The following ATXN7 variants were observed in gnomAD, a reference collection of about 807,000 sequenced individuals.
ATXN7 encodes ataxin-7.
A neutral mutation model predicts 70.5 loss-of-function variants in ATXN7; 12 were observed. That is an observed-to-expected ratio of 0.17 (90% CI 0.11 to 0.28). The LOEUF (loss-of-function observed/expected upper bound fraction) is 0.28, where lower values mean the gene tolerates loss of function less well. ATXN7 is among the 10% of genes least tolerant of loss of function. The pLI, the probability that ATXN7 is intolerant of heterozygous loss-of-function variation, is 1.00. For missense variants in ATXN7, 1,256 were observed against 1,131.7 expected (o/e 1.11, Z -1.58); for synonymous variants, 498 against 448.7 (o/e 1.11, Z -1.39).
chr3:63,913,445 G>T (rs574695331), intron 4 of ATXN7, among the ~76,000 whole-genome samples: 2 of 152,166 alleles, frequency 1.3e-5, no homozygotes, highest in African/African-American at 4.8e-5. Context: ...GACCAGGCAG[G>T]AGCAGCATTA....
chr3:64,001,834 T>G lies in ATXN7; in HGVS notation c.*2367T>G, dbSNP rs2075836157. The G allele has an allele frequency of 1.3e-5, 2 of 152,336 alleles. No homozygotes were observed. The highest frequency in any genetic ancestry group is 4.1e-4 in the South Asian group (2 of 4,832). 9.4% of individuals were successfully genotyped at this position (152,336 alleles called of 1,614,324 possible). ...ATGGTGATGAATAATTAAGACCATTTAAAACACGGGAGTACAAGTATTTTT... is the reference window on the plus strand; with the variant it reads ...ATGGTGATGAATAATTAAGACCATTGAAAACACGGGAGTACAAGTATTTTT... On this transcript the variant is annotated 3_prime_UTR_variant, in exon 13 of 13. Transcript: ENST00000674280.
At chr3:63,944,424 A>G (rs1183519021) in intron 4 of ATXN7, among the ~76,000 whole-genome samples, 1 of 152,220 alleles carries the variant, frequency 6.6e-6, no homozygotes, top group Non-Finnish European at 1.5e-5. Flanking sequence ...CTACAATAGC[A>G]GGAGTTGATC....
intron 4 of ATXN7, among the ~76,000 whole-genome samples, chr3:63,929,377 A>G (rs1051097539): frequency 3.4e-5 from 5 of 148,644 alleles, no homozygotes; most frequent in Non-Finnish European, 7.4e-5. Flanking sequence ...GTTTCAAGCT[A>G]TTCTCCTGTC....
At chr3:63,863,515 G>C, upstream of ATXN7, 1 of 1,188,134 alleles carries the variant, frequency 8.4e-7, no homozygotes, top group Non-Finnish European at 1.0e-6. Context: ...CTATAGCCCC[G>C]CGCTGCCTCC....
intron 1 of ATXN7, among the ~76,000 whole-genome samples, chr3:63,889,272 A>C (rs1409226091): frequency 3.9e-5 from 6 of 152,238 alleles, no homozygotes; most frequent in Admixed American, 3.9e-4. Flanking sequence ...AGGAATAAGA[A>C]GTCCCAATGT....
At chr3:63,869,676 C>T (rs1191230363) in intron 1 of ATXN7, among the ~76,000 whole-genome samples, 4 of 152,186 alleles carry the variant, frequency 2.6e-5, no homozygotes, top group East Asian at 1.9e-4. Flanking sequence ...CCACCTGCCT[C>T]GGCCTCCCAA....
At chr3:63,913,130 C>G in intron 3 of ATXN7, 27 bp from the exon 4 acceptor site, 1 of 1,610,088 alleles carries the variant, frequency 6.2e-7, no homozygotes, top group Non-Finnish European at 8.5e-7. Flanking sequence ...TGCCTCTCCC[C>G]TCCTCCTGTG....
intron 4 of ATXN7, among the ~76,000 whole-genome samples, chr3:63,918,423 TCTC>T (rs1704373245): frequency 6.6e-6 from 1 of 152,212 alleles, no homozygotes; most frequent in African/African-American, 2.4e-5. Flanking sequence ...TGTCTTCTTT[TCTC>T]CTCAACTGTT....
chr3:63,884,429 G>A (rs1257211805), intron 1 of ATXN7, among the ~76,000 whole-genome samples: 1 of 151,876 alleles, frequency 6.6e-6, no homozygotes, highest in Non-Finnish European at 1.5e-5. Context: ...AAAATATACA[G>A]TATATATATT....
chr3:63,934,207 C>T (rs551453922), intron 4 of ATXN7, among the ~76,000 whole-genome samples: 5 of 152,302 alleles, frequency 3.3e-5, no homozygotes, highest in Non-Finnish European at 7.4e-5. Context: ...TTCTTGCCTG[C>T]TGGCAGCCTC....
intron 1 of ATXN7, among the ~76,000 whole-genome samples, chr3:63,897,022 C>T (rs1157949114): frequency 1.3e-5 from 2 of 152,208 alleles, no homozygotes; most frequent in African/African-American, 4.8e-5. Flanking sequence ...GAAGGAATCA[C>T]CATCAGGGTG....
chr3:63,990,389 C>G lies in ATXN7; in HGVS notation c.1560+15C>G. ...AGCCAGCATCTGTAAGTTCCACGTCCACCCCCGCGTTGACCCTCCCCACAC... is the reference window on the plus strand; with the variant it reads ...AGCCAGCATCTGTAAGTTCCACGTCGACCCCCGCGTTGACCCTCCCCACAC... On this transcript the variant is annotated intron_variant, in intron 10 of 12. Transcript: ENST00000674280. 6.2e-7 allele frequency: 1 copy of G among 1,613,940 alleles called. No homozygotes were observed. The highest frequency in any genetic ancestry group is 1.1e-5 in the South Asian group (1 of 91,072).
chr3:63,979,830 A>G (rs1680910689), intron 5 of ATXN7, 85 bp from the exon 6 acceptor site: 11 of 1,565,104 alleles, frequency 7.0e-6, no homozygotes, highest in Non-Finnish European at 8.7e-6. Flanking sequence ...TAACCTGAAT[A>G]TATTGATTTC....
intron 4 of ATXN7, among the ~76,000 whole-genome samples, chr3:63,927,007 T>C (rs903906534): frequency 1.1e-4 from 17 of 152,244 alleles, no homozygotes; most frequent in African/African-American, 3.9e-4. Context: ...ATTCTTTTTA[T>C]GGCTGCATAG....
intron 5 of ATXN7, among the ~76,000 whole-genome samples, chr3:63,957,099 T>C (rs1298110291): frequency 6.6e-6 from 1 of 152,190 alleles, no homozygotes; most frequent in Non-Finnish European, 1.5e-5. Flanking sequence ...TTTGAGGCTG[T>C]ATACTGAGAG....
chr3:63,919,978 G>A (rs766109864), intron 4 of ATXN7, among the ~76,000 whole-genome samples: 1 of 151,874 alleles, frequency 6.6e-6, no homozygotes, highest in Non-Finnish European at 1.5e-5. Flanking sequence ...CTCCAGAATC[G>A]CTGCCCCTGA....
chr3:63,937,936 C>T (rs923660760), intron 4 of ATXN7, among the ~76,000 whole-genome samples: 32 of 152,182 alleles, frequency 2.1e-4, no homozygotes, highest in Admixed American at 6.5e-5. Context: ...AAGTACTTAG[C>T]ACACTGTTTG....
chr3:63,983,065 T>A, intron 8 of ATXN7, 44 bp downstream of exon 8: 1 of 1,463,416 alleles, frequency 6.8e-7, no homozygotes. Flanking sequence ...CTGATAAACA[T>A]GGGTGACTGG....
intron 4 of ATXN7, among the ~76,000 whole-genome samples, chr3:63,919,821 A>T (rs1704436394): frequency 7.1e-6 from 1 of 140,564 alleles, no homozygotes; most frequent in Non-Finnish European, 1.5e-5. Context: ...AGCAGTTCAC[A>T]TACAGAGCAC....
Sources: allele counts gnomAD v4.1 joint callset (sites outside exome capture counted in the v4.1 genomes callset), GRCh38; gene constraint gnomAD v4.1.1; transcripts MANE v1.5; gene names NCBI Gene and HGNC (gene_info 2026-07-23, HGNC 2026-07-21).